Variants in GYG1 observed in about 807,000 individuals in gnomAD.
The protein encoded by GYG1 is glycogenin 1.
A neutral mutation model predicts 41.9 loss-of-function variants in GYG1; 44 were observed. The observed-to-expected ratio is 1.05, with a 90% CI of 0.83 to 1.35. GYG1 has a LOEUF of 1.35. Ranked by LOEUF, GYG1 falls within the 40% of genes most tolerant of loss-of-function variation. GYG1 has a pLI of 0.00. For missense variants in GYG1, 429 were observed against 418.9 expected, an observed-to-expected ratio of 1.02 and a Z score of -0.21; for synonymous variants, 141 against 158.1, an observed-to-expected ratio of 0.89 and a Z score of 0.81.
intron 5 of GYG1, among the ~76,000 whole-genome samples, chr3:149,020,676 T>C (rs1223174607): frequency 6.6e-6 from 1 of 152,256 alleles, no homozygotes; most frequent in Non-Finnish European, 1.5e-5. Flanking sequence ...AAAAGAATAG[T>C]TTACACTATA....
At chr3:149,009,216 T>TATAAA in intron 4 of GYG1, 60 bp from the exon 5 acceptor site, 1 of 1,315,514 alleles carries the variant, frequency 7.6e-7, no homozygotes, top group Non-Finnish European at 1.1e-6. Context: ...TATGTGCTCC[T>TATAAA]ATAAAATTAT....
intron 5 of GYG1, 138 bp downstream of exon 5, chr3:149,009,540 G>C: frequency 1.1e-6 from 1 of 920,784 alleles, no homozygotes; most frequent in Non-Finnish European, 1.8e-6. Context: ...TGTAAGAACC[G>C]TGGCTGCAAT....
chr3:149,004,171 T>G (rs1713267143), intron 4 of GYG1: 1 of 152,240 alleles, frequency 6.6e-6, no homozygotes, highest in African/African-American at 2.4e-5. Flanking sequence ...TCTCCCTGTC[T>G]CTCACCTGTG....
intron 4 of GYG1, chr3:149,008,316 C>G (rs1051166738): frequency 1.4e-4 from 22 of 152,432 alleles, no homozygotes; most frequent in African/African-American, 5.3e-4. Flanking sequence ...GGTCTGGTCC[C>G]TGCCGCCTTC....
chr3:149,000,642 T>A (rs988760862), intron 4 of GYG1, among the ~76,000 whole-genome samples: 6 of 152,230 alleles, frequency 3.9e-5, no homozygotes, highest in Non-Finnish European at 7.3e-5. Context: ...GCTTAAAAAT[T>A]GTCTATTTTG....
chr3:149,002,639 T>C (rs1713157198), intron 4 of GYG1, among the ~76,000 whole-genome samples: 1 of 152,192 alleles, frequency 6.6e-6, no homozygotes, highest in East Asian at 1.9e-4. Flanking sequence ...AGAGCTGGGC[T>C]TTCATAAGCT....
rs1714816568 is a variant in GYG1, at chr3:149,029,095, C to T, written c.*2162C>T. Reference sequence around the variant, plus strand: ...AAAGAATGACAAGCTTACCATAAGACATAGCATATAATGCTGTCAAGTTAT... The same window carrying T: ...AAAGAATGACAAGCTTACCATAAGATATAGCATATAATGCTGTCAAGTTAT... On this transcript the variant is annotated 3_prime_UTR_variant, in exon 8 of 8. Coordinates refer to ENST00000345003, the MANE Select transcript of GYG1 (RefSeq NM_004130.4). Among the ~76,000 whole-genome samples the T allele has an allele frequency of 6.6e-6, 1 of 152,212 alleles. No individual in the cohort carries two copies. Among genetic ancestry groups the T allele is most frequent in the Admixed American group, 6.5e-5 (1 of 15,284 alleles).
intron 6 of GYG1, among the ~76,000 whole-genome samples, chr3:149,025,228 G>T (rs1411072737): frequency 1.3e-5 from 2 of 152,134 alleles, no homozygotes; most frequent in African/African-American, 4.8e-5. Flanking sequence ...CCAGTATGGG[G>T]GATGGTTTCA....
In GYG1 at chr3:149,030,131, T is replaced by C. The variant is rs1714878032; in HGVS notation, c.*3198T>C. 1 of 152,214 alleles carries C rather than the reference T, an allele frequency of 6.6e-6. No individual in the cohort carries two copies. Among genetic ancestry groups the C allele is most frequent in the African/African-American group, 2.4e-5 (1 of 41,452 alleles). The allele number at this position is 152,214 out of a possible 1,614,324, so 9.4% of individuals were successfully genotyped here. Reference sequence around the variant, plus strand: ...ATGGCACCGAGGAAGGTAATAAACATTTGAAATTTTTATTGATTTTTAAAT... The same window carrying C: ...ATGGCACCGAGGAAGGTAATAAACACTTGAAATTTTTATTGATTTTTAAAT... On this transcript the variant is annotated 3_prime_UTR_variant, in exon 8 of 8. Coordinates refer to ENST00000345003, the MANE Select transcript of GYG1 (RefSeq NM_004130.4).
chr3:149,013,032 T>TGTG (rs61477065), intron 5 of GYG1, among the ~76,000 whole-genome samples: 1 of 150,824 alleles, frequency 6.6e-6, no homozygotes, highest in Non-Finnish European at 1.5e-5. Flanking sequence ...TGTGTGTGTG[T>TGTG]TTTATAGAGA....
chr3:149,009,085 G>T (rs1165498813), intron 4 of GYG1, 191 bp from the exon 5 acceptor site: 13 of 528,412 alleles, frequency 2.5e-5, no homozygotes, highest in Non-Finnish European at 4.4e-5. Context: ...CTTGAACCCA[G>T]GAGGCAGAGG....
intron 5 of GYG1, among the ~76,000 whole-genome samples, chr3:149,014,235 C>G (rs759230639): frequency 4.6e-5 from 7 of 152,012 alleles, no homozygotes; most frequent in Non-Finnish European, 7.4e-5. Flanking sequence ...TGACCTCATC[C>G]GAAGTGTTTA....
Position 148,996,297 on chromosome 3 carries a change from G to T in GYG1, c.144-5G>T. The T allele has an allele frequency of 6.2e-7, 1 of 1,607,104 alleles. No homozygotes were observed. The highest frequency in any genetic ancestry group is 8.5e-7 in the Non-Finnish European group (1 of 1,175,414). On this transcript the variant is annotated splice_polypyrimidine_tract_variant and splice_region_variant and intron_variant, in intron 2 of 7. Coordinates refer to ENST00000345003, the MANE Select transcript of GYG1 (RefSeq NM_004130.4). The stretch of plus-strand genomic sequence containing the variant: ...AGTGTGGTATTCTGGATTTTATTTT[G>T]ACAGAAAAGTTTTAGAGACAGTCTT...
At chr3:149,004,738 T>G (rs567036837) in intron 4 of GYG1, among the ~76,000 whole-genome samples, 1 of 152,366 alleles carries the variant, frequency 6.6e-6, no homozygotes, top group African/African-American at 2.4e-5. Context: ...TGTTGAGTGT[T>G]TCAGGATTTG....
intron 4 of GYG1, among the ~76,000 whole-genome samples, chr3:149,003,543 A>G (rs991232005): frequency 5.3e-5 from 8 of 152,186 alleles, no homozygotes; most frequent in Admixed American, 5.2e-4. Flanking sequence ...TTTTATAGAA[A>G]TGATATTTTT....
In GYG1 at chr3:149,006,964, A is replaced by G. The variant is rs190907815; in HGVS notation, c.482-2312A>G. On this transcript the variant is annotated intron_variant, in intron 4 of 7. Coordinates refer to ENST00000345003, the MANE Select transcript of GYG1 (RefSeq NM_004130.4). ...TCATATCTGTCCTTTGTCTTAGCCT[A>G]TTCAGGCTGCTATAATGAAATATCA... Among the ~76,000 whole-genome samples, 17 of 152,350 alleles carry G rather than the reference A, an allele frequency of 1.1e-4. No homozygotes were observed. The South Asian group carries it at 3.1e-3, about 28-fold the overall frequency.
At chr3:149,022,643 G>A (rs1211717900) in intron 5 of GYG1, among the ~76,000 whole-genome samples, 1 of 151,458 alleles carries the variant, frequency 6.6e-6, no homozygotes, top group South Asian at 2.1e-4. Flanking sequence ...TTACAGGCAC[G>A]TGCCACCATA....
At chr3:148,992,401 T>TG (rs2107881956) in intron 1 of GYG1, 1 of 152,424 alleles carries the variant, frequency 6.6e-6, no homozygotes, top group Non-Finnish European at 1.5e-5. Context: ...AACCCAGAGT[T>TG]CAGCCGTCTT....
chr3:149,010,541 G>T (rs567073615), intron 5 of GYG1, among the ~76,000 whole-genome samples: 1 of 152,046 alleles, frequency 6.6e-6, no homozygotes, highest in Admixed American at 6.5e-5. Flanking sequence ...TGTCCAGGCT[G>T]GCCTTGAACT....
Sources: gnomAD v4.1 joint callset for allele counts (sites outside exome capture counted in the v4.1 genomes callset) on GRCh38, gnomAD v4.1.1 for gene constraint, MANE v1.5 for transcripts, NCBI Gene and HGNC (gene_info 2026-07-23, HGNC 2026-07-21) for gene names.